The following RBM24 variants were observed in gnomAD, a reference collection of about 807,000 sequenced individuals.
The protein encoded by RBM24 is RNA binding motif protein 24, also known as RNA-binding protein 24.
A neutral mutation model predicts 23.6 loss-of-function variants in RBM24; 5 were observed. The ratio of observed to expected loss-of-function variants is 0.21; its 90% CI spans 0.11 to 0.45. RBM24 has a LOEUF of 0.45. Among genes scored for constraint, RBM24 ranks in the 20% least tolerant of loss-of-function variants. The pLI is 0.99. For synonymous variants in RBM24, 151 were observed against 129.5 expected, an observed-to-expected ratio of 1.17 and a Z score of -1.13; for missense variants, 252 against 314.6, an observed-to-expected ratio of 0.80 and a Z score of 1.51.
rs1002472710 is a variant in RBM24, at chr6:17,293,649, G to A, written c.*1530G>A. The A allele has an allele frequency of 6.6e-6, 1 of 152,358 alleles. No individual in the cohort carries two copies. Among genetic ancestry groups the A allele is most frequent in the Non-Finnish European group, 1.5e-5 (1 of 67,966 alleles). 9.4% of individuals were successfully genotyped at this position (152,358 alleles called of 1,614,324 possible). ...ATTGAATACTATTTTACACTGTATT[G>A]GATTTTTATACTTGAACAATTTCAT... On this transcript the variant is annotated 3_prime_UTR_variant, in exon 4 of 4. Transcript: ENST00000379052.
Position 17,281,535 on chromosome 6 carries a change from C to CGAGCCG in RBM24, c.-46_-41dup. On this transcript the variant is annotated 5_prime_UTR_variant, in exon 1 of 4. Transcript: ENST00000379052. This position sits in a 1 kb window ranked among gnomAD's most constrained non-coding sequence, Gnocchi z 7.1. ...CGGAGGAGGAGGCGCAGCCGCTGCC[C>CGAGCCG]GAGCCGCAGCCGCAGCCGGAGCCCG... 2.7e-6 allele frequency: 4 copies of CGAGCCG among 1,455,224 alleles called. No individual in the cohort carries two copies. In the South Asian group the frequency reaches 4.2e-5, roughly 15 times the overall value. 90.1% of individuals were successfully genotyped at this position (1,455,224 alleles called of 1,614,324 possible). A position where few individuals can be genotyped will look rare whatever the true frequency, so the allele number is the denominator to read the frequency against.
At chr6:17,287,684 C>A (rs1243420907) in intron 3 of RBM24, among the ~76,000 whole-genome samples, 1 of 152,076 alleles carries the variant, frequency 6.6e-6, no homozygotes, top group Non-Finnish European at 1.5e-5. Flanking sequence ...GTGGTGGGCG[C>A]CTGTAGTCCA....
intron 3 of RBM24, chr6:17,288,842 T>G: frequency 2.0e-6 from 2 of 985,444 alleles, no homozygotes; most frequent in Non-Finnish European, 2.4e-6. Flanking sequence ...TGGCCTAGAA[T>G]GCCAAGGCTT....
At position 17,293,440 on chromosome 6, in the gene RBM24, G is replaced by A. The variant is rs559805572; in HGVS notation, c.*1321G>A. ...AGTACTCTTACATTAACACATTTTAGTTTAGTTTTTAGATTTTTTTTTAAA... is the reference window on the plus strand; with the variant it reads ...AGTACTCTTACATTAACACATTTTAATTTAGTTTTTAGATTTTTTTTTAAA... On this transcript the variant is annotated 3_prime_UTR_variant, in exon 4 of 4. Coordinates refer to ENST00000379052, the MANE Select transcript of RBM24 (RefSeq NM_001143942.2). The A allele has an allele frequency of 1.0e-4, 16 of 152,544 alleles. No homozygotes were observed. Among genetic ancestry groups the A allele is most frequent in the Admixed American group, 5.9e-4 (9 of 15,284 alleles). The allele number at this position is 152,544 out of a possible 1,614,324, so 9.4% of individuals were successfully genotyped here. A position where few individuals can be genotyped will look rare whatever the true frequency, so the allele number is the denominator to read the frequency against.
intron 1 of RBM24, 152 bp from the exon 2 acceptor site, chr6:17,282,653 C>A (rs1760062621): frequency 2.4e-6 from 1 of 413,286 alleles, no homozygotes; most frequent in East Asian, 9.2e-5. Flanking sequence ...AATGGGAGAT[C>A]AAGGAGGAGG....
intron 3 of RBM24, chr6:17,289,162 A>C (rs138074528): frequency 1.0e-6 from 1 of 984,852 alleles, no homozygotes; most frequent in African/African-American, 1.7e-5. Context: ...CGACATTGGT[A>C]AATGTCTAAT....
Position 17,290,027 on chromosome 6 carries a change from TGAC to T in RBM24, c.348-1727_348-1725del, listed in dbSNP as rs921391589. ...TCTGAGTGTCCTCAGAAACACTTGA[TGAC>T]GTCGTTTCTCCTGGCACTGGGAAAC... On this transcript the variant is annotated intron_variant, in intron 3 of 3. Coordinates refer to ENST00000379052, the MANE Select transcript of RBM24 (RefSeq NM_001143942.2). The T allele has an allele frequency of 9.3e-6, 12 of 1,289,316 alleles. No homozygotes were observed. The Admixed American group carries it at 2.8e-4, about 30-fold the overall frequency. The allele number at this position is 1,289,316 out of a possible 1,614,324, so 79.9% of individuals were successfully genotyped here.
intron 3 of RBM24, 119 bp downstream of exon 3, chr6:17,284,830 A>T: frequency 1.5e-6 from 1 of 656,282 alleles, no homozygotes; most frequent in Non-Finnish European, 2.5e-6. Context: ...ATACAATTTT[A>T]TATATATTTG....
intron 3 of RBM24, 50 bp from the exon 4 acceptor site, chr6:17,291,706 T>C (rs2113412998): frequency 1.3e-6 from 2 of 1,546,102 alleles, no homozygotes; most frequent in Non-Finnish European, 8.7e-7. Context: ...AACAACATGC[T>C]ACAGTTAGGA....
chr6:17,282,526 C>T (rs1362981668), intron 1 of RBM24: 2 of 517,892 alleles, frequency 3.9e-6, no homozygotes, highest in South Asian at 2.0e-5. Context: ...CGGCTAGGCC[C>T]TACTAACACC....
intron 3 of RBM24, chr6:17,288,926 G>A: frequency 2.0e-6 from 2 of 985,404 alleles, no homozygotes; most frequent in Non-Finnish European, 2.4e-6. Context: ...TGGAGTATTT[G>A]TCATCAGTTG....
chr6:17,281,454 C>G lies in RBM24; in HGVS notation c.-128C>G, dbSNP rs1374855232. On this transcript the variant is annotated 5_prime_UTR_variant, in exon 1 of 4. Transcript: ENST00000379052. The surrounding 1 kb of genome is among the most constrained non-coding windows in gnomAD (Gnocchi z 7.1). Reference sequence around the variant, plus strand: ...GCCCCCGCCGCGCCGCCGCCCTCGCCCCCGGGCTCGCCCTTGGCCCCCGGC... The same window carrying G: ...GCCCCCGCCGCGCCGCCGCCCTCGCGCCCGGGCTCGCCCTTGGCCCCCGGC... The G allele has an allele frequency of 1.2e-5, 8 of 689,972 alleles. No homozygotes were observed. The highest frequency in any genetic ancestry group is 1.5e-5 in the Non-Finnish European group (8 of 550,468). The allele number at this position is 689,972 out of a possible 1,614,324, so 42.7% of individuals were successfully genotyped here.
At chr6:17,290,654 C>T (rs1443203232) in intron 3 of RBM24, among the ~76,000 whole-genome samples, 5 of 152,086 alleles carry the variant, frequency 3.3e-5, no homozygotes, top group South Asian at 2.1e-4. Flanking sequence ...GGGCAGATTT[C>T]GAACATAACA....
At chr6:17,282,387 C>A in intron 1 of RBM24, 1 of 641,440 alleles carries the variant, frequency 1.6e-6, no homozygotes, top group Non-Finnish European at 2.5e-6. Flanking sequence ...AGGTTGGGAG[C>A]GTTGGGCGGA....
intron 3 of RBM24, chr6:17,290,060 AC>A (rs1561737100): frequency 1.4e-5 from 18 of 1,289,248 alleles, no homozygotes; most frequent in Non-Finnish European, 1.8e-5. Flanking sequence ...GGAAACATCT[AC>A]AAGTCTGGTA....
Position 17,291,768 on chromosome 6 carries a change from C to G in RBM24, c.360C>G (p.His120Gln), listed in dbSNP as rs1483555244. The change falls in exon 4 of 4, where the codon CAC (histidine) becomes CAG (glutamine). Residue 120 changes from histidine (H) to glutamine (Q), a missense_variant. Physicochemically the swap from His to Gln is conservative, Grantham distance 24. Coordinates refer to ENST00000379052, the MANE Select transcript of RBM24 (RefSeq NM_001143942.2). ...CATTTCTCAACAGGATACCTGCCCA[C>G]TATGTCTATCCGCAGGCTTTTGTGC... ...LIQRPFGIPA[H>Q]YVYPQAFVQP... 7.5e-6 allele frequency: 12 copies of G among 1,609,820 alleles called. No homozygotes were observed. The highest frequency in any genetic ancestry group is 9.3e-6 in the Non-Finnish European group (11 of 1,176,940).
chr6:17,282,727 C>T (rs760792512), intron 1 of RBM24, 78 bp from the exon 2 acceptor site: 20 of 1,582,078 alleles, frequency 1.3e-5, no homozygotes, highest in Non-Finnish European at 6.9e-6. Flanking sequence ...TGAATGACTT[C>T]TCCATTGTGA....
At position 17,291,752 on chromosome 6, in the gene RBM24, A is replaced by C; in HGVS notation, c.348-4A>C. 4.4e-6 allele frequency: 7 copies of C among 1,598,560 alleles called. No individual in the cohort carries two copies. The highest frequency in any genetic ancestry group is 5.1e-6 in the Non-Finnish European group (6 of 1,170,042). On this transcript the variant is annotated splice_region_variant and splice_polypyrimidine_tract_variant and intron_variant, in intron 3 of 3. Coordinates refer to ENST00000379052, the MANE Select transcript of RBM24 (RefSeq NM_001143942.2). Reference sequence around the variant, plus strand: ...GCCTGACTTTGTTTTCCATTTCTCAACAGGATACCTGCCCACTATGTCTAT... The same window carrying C: ...GCCTGACTTTGTTTTCCATTTCTCACCAGGATACCTGCCCACTATGTCTAT...
chr6:17,291,951 T>A lies in RBM24; in HGVS notation c.543T>A (p.Ser181=), dbSNP rs1165823195. 1.9e-6 allele frequency: 3 copies of A among 1,612,256 alleles called. No homozygotes were observed. In the South Asian group the frequency reaches 3.3e-5, roughly 18 times the overall value. The change falls in exon 4 of 4, where the codon TCT becomes TCA. Residue 181 remains serine (S), a synonymous_variant. Transcript: ENST00000379052. ...AAYDQYPYAA[S]PAAAGYVTAG... ...ATGACCAGTACCCCTATGCAGCCTC[T>A]CCAGCTGCTGCAGGATATGTTACTG...
Sources: allele counts gnomAD v4.1 joint callset (sites outside exome capture counted in the v4.1 genomes callset), GRCh38; gene constraint gnomAD v4.1.1; non-coding constraint Gnocchi (gnomAD v3.1); transcripts MANE v1.5; gene names NCBI Gene and HGNC (gene_info 2026-07-23, HGNC 2026-07-21).